CAMK2D: variants seen among roughly 807,000 people sequenced by gnomAD.
The protein encoded by CAMK2D is calcium/calmodulin dependent protein kinase II delta, also known as calcium/calmodulin-dependent protein kinase type II subunit delta.
CAMK2D carries 37 observed loss-of-function variants against 84.0 expected under a neutral mutation model. The observed-to-expected ratio is 0.44, with a 90% CI of 0.34 to 0.58. The LOEUF is 0.58. Among genes scored for constraint, CAMK2D ranks in the 20% least tolerant of loss-of-function variants. The probability of loss-of-function intolerance (pLI) is 0.02; values close to 1 mark genes in which losing one functional copy is unlikely to be tolerated. For synonymous variants in CAMK2D, 202 were observed against 212.5 expected (o/e 0.95, Z 0.43); for missense variants, 448 against 652.5 (o/e 0.69, Z 3.41).
chr4:113,623,304 A>G, intron 3 of CAMK2D, among the ~76,000 whole-genome samples: 1 of 152,286 alleles, frequency 6.6e-6, no homozygotes, highest in Non-Finnish European at 1.5e-5. Flanking sequence ...TTTATAAAAA[A>G]TAAAATATAA....
chr4:113,508,783 C>T, intron 13 of CAMK2D, among the ~76,000 whole-genome samples: 1 of 152,128 alleles, frequency 6.6e-6, no homozygotes, highest in Non-Finnish European at 1.5e-5. Context: ...TCTATGTTTT[C>T]AATATGAACT....
chr4:113,503,478 T>C (rs1468045165), intron 14 of CAMK2D, among the ~76,000 whole-genome samples: 1 of 152,110 alleles, frequency 6.6e-6, no homozygotes. Flanking sequence ...TCTAGAGCCA[T>C]TGGACAACAC....
intron 3 of CAMK2D, among the ~76,000 whole-genome samples, chr4:113,653,508 A>C (rs1308635263): frequency 6.6e-6 from 1 of 152,074 alleles, no homozygotes; most frequent in African/African-American, 2.4e-5. Flanking sequence ...TCTAATTTTT[A>C]GGCAGAACCA....
At chr4:113,636,555 C>T (rs959091604) in intron 3 of CAMK2D, among the ~76,000 whole-genome samples, 10 of 152,190 alleles carry the variant, frequency 6.6e-5, no homozygotes, top group African/African-American at 2.4e-4. Flanking sequence ...GCTTACACAA[C>T]ATATTTATTT....
intron 3 of CAMK2D, among the ~76,000 whole-genome samples, chr4:113,648,123 C>A (rs1157356104): frequency 6.6e-6 from 1 of 151,790 alleles, no homozygotes; most frequent in East Asian, 1.9e-4. Flanking sequence ...TTGATATAAC[C>A]CTATTTAAAA....
chr4:113,476,602 G>C (rs1403929027), intron 16 of CAMK2D, among the ~76,000 whole-genome samples: 1 of 152,024 alleles, frequency 6.6e-6, no homozygotes, highest in African/African-American at 2.4e-5. Flanking sequence ...CTAATAAAAG[G>C]CCACAAGGTT....
chr4:113,587,329 G>A (rs1454961200), intron 4 of CAMK2D, among the ~76,000 whole-genome samples: 2 of 152,144 alleles, frequency 1.3e-5, no homozygotes, highest in Non-Finnish European at 2.9e-5. Context: ...AAATCAAAAT[G>A]ACTTTCAAGT....
At chr4:113,749,471 C>T (rs1190631198) in intron 2 of CAMK2D, among the ~76,000 whole-genome samples, 1 of 152,132 alleles carries the variant, frequency 6.6e-6, no homozygotes, top group African/African-American at 2.4e-5. Flanking sequence ...CAAATATCCT[C>T]TAAGCTAATA....
intron 3 of CAMK2D, among the ~76,000 whole-genome samples, chr4:113,655,308 T>C (rs1273049526): frequency 2.0e-5 from 3 of 151,978 alleles, no homozygotes; most frequent in Non-Finnish European, 2.9e-5. Context: ...CACTTTGTAG[T>C]GTATGAGTGA....
intron 3 of CAMK2D, among the ~76,000 whole-genome samples, chr4:113,631,688 G>A (rs183270272): frequency 5.3e-5 from 8 of 152,272 alleles, no homozygotes; most frequent in Middle Eastern, 3.4e-3. Context: ...CATTAGGTTG[G>A]AACTGAACTA....
At chr4:113,502,440 GAATT>G (rs1293919322) in intron 15 of CAMK2D, among the ~76,000 whole-genome samples, 1 of 85,026 alleles carries the variant, frequency 1.2e-5, no homozygotes, top group African/African-American at 5.0e-5. Context: ...CACCAACAAG[GAATT>G]AAGAAACCAA....
In CAMK2D at chr4:113,730,756, T is replaced by C. The variant is rs141310169; in HGVS notation, c.160+28564A>G. Among the ~76,000 whole-genome samples, 81 of 152,372 alleles carry C rather than the reference T, an allele frequency of 5.3e-4. 1 individual carries two copies. Among genetic ancestry groups the C allele is most frequent in the Non-Finnish European group, 9.3e-4 (63 of 68,034 alleles). On this transcript the variant is annotated intron_variant, in intron 2 of 20. Transcript: ENST00000511664. The stretch of plus-strand genomic sequence containing the variant: ...AATCACTTCCCTCACAGCAACTTTC[T>C]TCCACTTGCTCATTGGTTCAACTCA...
At chr4:113,624,043 T>C (rs960105094) in intron 3 of CAMK2D, among the ~76,000 whole-genome samples, 5 of 152,154 alleles carry the variant, frequency 3.3e-5, no homozygotes, top group African/African-American at 1.2e-4. Context: ...GTCCCTACCA[T>C]AGAAGCCCTA....
At chr4:113,729,730 G>A (rs912373282) in intron 2 of CAMK2D, among the ~76,000 whole-genome samples, 2 of 152,088 alleles carry the variant, frequency 1.3e-5, no homozygotes, top group Non-Finnish European at 2.9e-5. Flanking sequence ...TAGAGTTGGG[G>A]CCTTTGGAAG....
At chr4:113,711,961 C>A (rs112448764) in intron 2 of CAMK2D, among the ~76,000 whole-genome samples, 1 of 152,096 alleles carries the variant, frequency 6.6e-6, no homozygotes, top group Non-Finnish European at 1.5e-5. Flanking sequence ...AGTAGAGCAG[C>A]CACTCACTAG....
chr4:113,758,081 A>T (rs893010208), intron 2 of CAMK2D, among the ~76,000 whole-genome samples: 1 of 152,162 alleles, frequency 6.6e-6, no homozygotes, highest in Non-Finnish European at 1.5e-5. Flanking sequence ...TCATTTTTTT[A>T]AATTAAAATG....
intron 5 of CAMK2D, among the ~76,000 whole-genome samples, chr4:113,549,956 CTT>C (rs2098612035): frequency 6.6e-6 from 1 of 152,050 alleles, no homozygotes; most frequent in Admixed American, 6.6e-5. Context: ...CCATAGGAAT[CTT>C]TTTTCTTTTA....
At position 113,743,215 on chromosome 4, in the gene CAMK2D, T is replaced by C. The variant is rs115942248; in HGVS notation, c.160+16105A>G. ...TAACAGAATGACAATATCAAGGATT[T>C]TGCTATTAGCTAGTTTGGGTTTAAA... is the stretch of plus-strand genomic sequence containing the variant. On this transcript the variant is annotated intron_variant, in intron 2 of 20. Transcript: ENST00000511664. Among the ~76,000 whole-genome samples, 917 of 152,338 alleles carry C rather than the reference T, an allele frequency of 6.0e-3. 5 individuals are homozygous for C. The highest frequency in any genetic ancestry group is 9.9e-3 in the Non-Finnish European group (673 of 68,026).
intron 4 of CAMK2D, among the ~76,000 whole-genome samples, chr4:113,575,084 T>A (rs907980992): frequency 1.3e-5 from 2 of 152,206 alleles, no homozygotes; most frequent in Admixed American, 6.5e-5. Flanking sequence ...GTAGTAAATG[T>A]AATCACTTTT....
Sources: allele counts gnomAD v4.1 joint callset (sites outside exome capture counted in the v4.1 genomes callset), GRCh38; gene constraint gnomAD v4.1.1; transcripts MANE v1.5; gene names NCBI Gene and HGNC (gene_info 2026-07-23, HGNC 2026-07-21).